Variants in CYRIA observed in about 807,000 individuals in gnomAD.
CYRIA encodes CYFIP-related Rac1 interactor A.
CYRIA carries 15 observed loss-of-function variants against 43.9 expected under a neutral mutation model. The observed-to-expected ratio is 0.34, with a 90% CI of 0.23 to 0.53. CYRIA has a LOEUF of 0.53. CYRIA is among the 20% of genes least tolerant of loss of function. CYRIA has a pLI of 0.94. For missense variants in CYRIA, 236 were observed against 394.2 expected (o/e 0.60, Z 3.40); for synonymous variants, 117 against 136.0 (o/e 0.86, Z 0.97).
At chr2:16,609,341 A>C (rs765292083) in intron 2 of CYRIA, among the ~76,000 whole-genome samples, 10 of 152,210 alleles carry the variant, frequency 6.6e-5, no homozygotes, top group Non-Finnish European at 1.3e-4. Context: ...TACAATAGGC[A>C]TGAGCTTTTT....
At position 16,552,911 on chromosome 2, in the gene CYRIA, T is replaced by A; in HGVS notation, c.*25A>T. ...ATATACATCTTCTGAGGTCAGCACA[T>A]AGATCCTCTTCTTTGAGCAGAGCTC... On this transcript the variant is annotated 3_prime_UTR_variant, in exon 12 of 12. Coordinates refer to ENST00000381323, the MANE Select transcript of CYRIA (RefSeq NM_030797.4). The A allele has an allele frequency of 6.8e-7, 1 of 1,479,636 alleles. No individual in the cohort carries two copies. The highest frequency in any genetic ancestry group is 1.7e-4 in the Middle Eastern group (1 of 5,810). 91.7% of individuals were successfully genotyped at this position (1,479,636 alleles called of 1,614,324 possible).
At chr2:16,602,283 C>G (rs1280492187) in intron 2 of CYRIA, among the ~76,000 whole-genome samples, 1 of 152,132 alleles carries the variant, frequency 6.6e-6, no homozygotes, top group African/African-American at 2.4e-5. Context: ...TTTAGCCTCT[C>G]TGGTGCAAAG....
intron 1 of CYRIA, among the ~76,000 whole-genome samples, chr2:16,628,957 G>A (rs535569770): frequency 6.6e-6 from 1 of 152,192 alleles, no homozygotes; most frequent in Non-Finnish European, 1.5e-5. Flanking sequence ...AATTCAAACA[G>A]TGTATTTTAA....
chr2:16,564,044 C>A lies in CYRIA; in HGVS notation c.243G>T (p.Ala81=), dbSNP rs570137045. The change falls in exon 5 of 12, where the codon GCG becomes GCT. Residue 81 remains alanine (A), a synonymous_variant. Transcript: ENST00000381323. Reference sequence around the variant, plus strand: ...TTAGCCTCACAACAAGAGGGCACACCGCATTCCAAGCTTTTTCTTGAAGCT... The same window carrying A: ...TTAGCCTCACAACAAGAGGGCACACAGCATTCCAAGCTTTTTCTTGAAGCT... ...DIQLQEKAWN[A]VCPLVVRLKR... is the part of the protein sequence containing the mutation. The A allele has an allele frequency of 6.2e-7, 1 of 1,613,460 alleles. No homozygotes were observed. Among genetic ancestry groups the A allele is most frequent in the African/African-American group, 1.3e-5 (1 of 74,868 alleles).
chr2:16,571,162 CAA>C (rs1489484905), intron 3 of CYRIA, among the ~76,000 whole-genome samples: 1 of 152,174 alleles, frequency 6.6e-6, no homozygotes, highest in Non-Finnish European at 1.5e-5. Flanking sequence ...TCACTAAATT[CAA>C]AGTGTCTAGA....
intron 2 of CYRIA, among the ~76,000 whole-genome samples, chr2:16,612,097 A>C (rs1668626182): frequency 6.6e-6 from 1 of 152,118 alleles, no homozygotes; most frequent in African/African-American, 2.4e-5. Context: ...TCCTCCTAGG[A>C]GGTGAAGACC....
Position 16,598,812 on chromosome 2 carries a change from G to A in CYRIA, c.-10-10683C>T, listed in dbSNP as rs923102050. 3.3e-3 allele frequency among the ~76,000 whole-genome samples: 400 copies of A among 121,242 alleles called. 28 individuals are homozygous for A. Among genetic ancestry groups the A allele is most frequent in the African/African-American group, 0.015 (351 of 23,422 alleles). 79.5% of individuals were successfully genotyped at this position (121,242 alleles called of 152,430 possible). On this transcript the variant is annotated intron_variant, in intron 2 of 11. Coordinates refer to ENST00000381323, the MANE Select transcript of CYRIA (RefSeq NM_030797.4). ...CTTTGGAGGAGGAGAGGTGCTCTGC[G>A]TTTTAGAGTTTCCAGTTTTTCTGTT...
At chr2:16,620,673 C>G (rs568400785) in intron 2 of CYRIA, among the ~76,000 whole-genome samples, 2 of 152,148 alleles carry the variant, frequency 1.3e-5, no homozygotes, top group Non-Finnish European at 2.9e-5. Flanking sequence ...CAGACTCAAA[C>G]CACTTAGCTT....
intron 3 of CYRIA, among the ~76,000 whole-genome samples, chr2:16,573,716 C>T (rs928237086): frequency 1.3e-5 from 2 of 152,150 alleles, no homozygotes; most frequent in African/African-American, 4.8e-5. Flanking sequence ...CCCTGCACAA[C>T]TCTCTCTCTT....
At chr2:16,658,787 C>T (rs1039795392) in intron 1 of CYRIA, among the ~76,000 whole-genome samples, 1 of 152,068 alleles carries the variant, frequency 6.6e-6, no homozygotes, top group Non-Finnish European at 1.5e-5. Flanking sequence ...ATCTAATCCC[C>T]CAGTTTCTGT....
chr2:16,631,081 T>TG (rs557158259), intron 1 of CYRIA, among the ~76,000 whole-genome samples: 107 of 152,346 alleles, frequency 7.0e-4, no homozygotes, highest in African/African-American at 2.5e-3. Flanking sequence ...AGTCAGTCAC[T>TG]ACTGTCAGAT....
intron 2 of CYRIA, among the ~76,000 whole-genome samples, chr2:16,588,787 C>T (rs890731149): frequency 6.6e-6 from 1 of 152,094 alleles, no homozygotes; most frequent in African/African-American, 2.4e-5. Context: ...GTTAGAGGAT[C>T]TTGTGATCTG....
chr2:16,556,282 TG>T (rs2103402245), intron 10 of CYRIA, among the ~76,000 whole-genome samples: 1 of 152,154 alleles, frequency 6.6e-6, no homozygotes, highest in South Asian at 2.1e-4. Flanking sequence ...CAAAAAAGAA[TG>T]TCATGGCAAA....
intron 1 of CYRIA, among the ~76,000 whole-genome samples, chr2:16,658,357 A>G (rs1335372235): frequency 2.6e-5 from 4 of 152,258 alleles, no homozygotes; most frequent in Non-Finnish European, 5.9e-5. Flanking sequence ...CAAAAACTTT[A>G]CAAACAAATT....
At chr2:16,652,322 T>C (rs1669997764) in intron 1 of CYRIA, among the ~76,000 whole-genome samples, 1 of 152,124 alleles carries the variant, frequency 6.6e-6, no homozygotes, top group South Asian at 2.1e-4. Flanking sequence ...ATAAGCCACT[T>C]TTTGTCCTGA....
intron 1 of CYRIA, among the ~76,000 whole-genome samples, chr2:16,642,257 C>A (rs1272756890): frequency 1.3e-5 from 2 of 152,142 alleles, no homozygotes; most frequent in East Asian, 3.9e-4. Context: ...CTCAGCGTGG[C>A]CCAAAACAGA....
chr2:16,643,550 C>T (rs1375228756), intron 1 of CYRIA, among the ~76,000 whole-genome samples: 2 of 152,222 alleles, frequency 1.3e-5, no homozygotes, highest in Non-Finnish European at 2.9e-5. Flanking sequence ...AAATGAAACA[C>T]ACTAAAGTTG....
At chr2:16,613,496 G>A (rs79531888) in intron 2 of CYRIA, among the ~76,000 whole-genome samples, 27 of 150,222 alleles carry the variant, frequency 1.8e-4, no homozygotes, top group African/African-American at 6.1e-4. Flanking sequence ...TATGCTAAGC[G>A]CTACATGCAA....
At chr2:16,587,853 G>A (rs1438287100) in intron 3 of CYRIA, among the ~76,000 whole-genome samples, 197 bp downstream of exon 3, 1 of 152,072 alleles carries the variant, frequency 6.6e-6, no homozygotes, top group East Asian at 1.9e-4. Context: ...GAGCCATGTG[G>A]AACCGTGAGT....
Sources: gnomAD v4.1 joint callset for allele counts (sites outside exome capture counted in the v4.1 genomes callset) on GRCh38, gnomAD v4.1.1 for gene constraint, MANE v1.5 for transcripts, NCBI Gene and HGNC (gene_info 2026-07-23, HGNC 2026-07-21) for gene names.